Variants in PIK3C2G observed in about 807,000 individuals in gnomAD.
PIK3C2G encodes phosphatidylinositol-4-phosphate 3-kinase catalytic subunit type 2 gamma.
PIK3C2G carries 168 observed loss-of-function variants against 181.1 expected under a neutral mutation model. That is an observed-to-expected ratio of 0.93 (90% CI 0.82 to 1.05). The LOEUF (loss-of-function observed/expected upper bound fraction) is 1.05, where lower values mean the gene tolerates loss of function less well. Among genes scored for constraint, PIK3C2G ranks in the 50% least tolerant of loss-of-function variants. The pLI, the probability that PIK3C2G is intolerant of heterozygous loss-of-function variation, is 0.00. For missense variants in PIK3C2G, 1,869 were observed against 1,732.8 expected (o/e 1.08, Z -1.40); for synonymous variants, 573 against 592.2 (o/e 0.97, Z 0.47).
intron 31 of PIK3C2G, among the ~76,000 whole-genome samples, chr12:18,616,799 C>CA (rs1948627054): frequency 6.6e-6 from 1 of 151,926 alleles, no homozygotes; most frequent in African/African-American, 2.4e-5. Context: ...AAGAGAATAG[C>CA]AAAAAGCTGA....
intron 31 of PIK3C2G, among the ~76,000 whole-genome samples, chr12:18,621,256 T>C (rs1948850549): frequency 6.6e-6 from 1 of 151,780 alleles, no homozygotes; most frequent in South Asian, 2.1e-4. Flanking sequence ...GCCTGTTAGC[T>C]CATAAACAAC....
intron 1 of PIK3C2G, among the ~76,000 whole-genome samples, chr12:18,267,863 C>T (rs185128013): frequency 1.3e-5 from 2 of 152,250 alleles, no homozygotes; most frequent in East Asian, 1.9e-4. Context: ...ATTCATCCCC[C>T]GTTCCTACAT....
At chr12:18,395,756 C>G (rs1429759809) in intron 15 of PIK3C2G, among the ~76,000 whole-genome samples, 1 of 150,944 alleles carries the variant, frequency 6.6e-6, no homozygotes, top group South Asian at 2.1e-4. Flanking sequence ...GTAAACTGTT[C>G]CAAGTTTTTC....
At chr12:18,274,368 G>T (rs927801017) in intron 1 of PIK3C2G, among the ~76,000 whole-genome samples, 1 of 152,154 alleles carries the variant, frequency 6.6e-6, no homozygotes. Context: ...GTTTATTGCG[G>T]CACTATTCCC....
chr12:18,570,189 T>C (rs1160225797), intron 29 of PIK3C2G, among the ~76,000 whole-genome samples: 1 of 151,998 alleles, frequency 6.6e-6, no homozygotes, highest in Non-Finnish European at 1.5e-5. Context: ...ATGTAATACT[T>C]CTTTATCCAT....
At chr12:18,349,643 T>C (rs148946064) in intron 11 of PIK3C2G, among the ~76,000 whole-genome samples, 1 of 152,292 alleles carries the variant, frequency 6.6e-6, no homozygotes, top group African/African-American at 2.4e-5. Flanking sequence ...GAATAGAAAT[T>C]TAATTACTTA....
In PIK3C2G at chr12:18,338,779, T is replaced by G. The variant is rs78515760; in HGVS notation, c.1395+231T>G. On this transcript the variant is annotated intron_variant, in intron 9 of 32. Transcript: ENST00000538779. The stretch of plus-strand genomic sequence containing the variant: ...GCTTGAGTCTATTATGCCAAATAGA[T>G]CTGATTAAACTATAAGAACACTGAT... 1.0e-3 allele frequency among the ~76,000 whole-genome samples: 152 copies of G among 151,676 alleles called. 1 individual carries two copies. In the East Asian group the frequency reaches 0.02, roughly 20 times the overall value.
intron 5 of PIK3C2G, among the ~76,000 whole-genome samples, chr12:18,301,811 A>G (rs533592678): frequency 3.9e-5 from 6 of 152,304 alleles, no homozygotes; most frequent in African/African-American, 7.2e-5. Flanking sequence ...CAAAATATAT[A>G]TGCTATTAGT....
intron 25 of PIK3C2G, among the ~76,000 whole-genome samples, chr12:18,543,402 C>T (rs1944267666): frequency 6.6e-6 from 1 of 151,934 alleles, no homozygotes. Context: ...TAATTAGATC[C>T]CACCTGCCAA....
chr12:18,541,963 T>C (rs1357830390), intron 25 of PIK3C2G, among the ~76,000 whole-genome samples: 1 of 151,848 alleles, frequency 6.6e-6, no homozygotes, highest in Non-Finnish European at 1.5e-5. Context: ...GGGAGAGAAC[T>C]ATTATAGGTT....
At chr12:18,545,707 G>A (rs1019884410) in intron 25 of PIK3C2G, among the ~76,000 whole-genome samples, 2 of 151,810 alleles carry the variant, frequency 1.3e-5, no homozygotes, top group African/African-American at 4.8e-5. Context: ...CACCATTTAA[G>A]TAGGGAAAAT....
chr12:18,281,853 C>G (rs565866829), intron 1 of PIK3C2G, among the ~76,000 whole-genome samples, 151 bp from the exon 2 acceptor site: 23 of 151,858 alleles, frequency 1.5e-4, no homozygotes, highest in Non-Finnish European at 2.2e-4. Flanking sequence ...GTTGTAAGCC[C>G]TGATAGAGTT....
chr12:18,658,450 T>A, the PIK3C2G span, among the ~76,000 whole-genome samples: 2 of 152,054 alleles, frequency 1.3e-5, no homozygotes, highest in East Asian at 3.9e-4. Context: ...GAGAAGCAAG[T>A]CATTATGCAC....
At chr12:18,389,018 A>C (rs1943364524) in intron 14 of PIK3C2G, among the ~76,000 whole-genome samples, 1 of 152,188 alleles carries the variant, frequency 6.6e-6, no homozygotes. Flanking sequence ...TGGCGCATGC[A>C]ATGTTGACAT....
chr12:18,410,515 A>G (rs1944805779), intron 16 of PIK3C2G, among the ~76,000 whole-genome samples: 2 of 149,706 alleles, frequency 1.3e-5, no homozygotes, highest in Admixed American at 1.3e-4. Context: ...AGAAAGAAAA[A>G]AAAAAAAAAA....
chr12:18,451,543 C>T (rs1301703739), intron 18 of PIK3C2G, among the ~76,000 whole-genome samples: 4 of 152,168 alleles, frequency 2.6e-5, no homozygotes, highest in Non-Finnish European at 5.9e-5. Context: ...GACTTCCTCT[C>T]TTCCTATTTG....
the PIK3C2G span, chr12:18,713,046 G>A: frequency 6.3e-7 from 1 of 1,585,986 alleles, no homozygotes; most frequent in Non-Finnish European, 8.6e-7. Flanking sequence ...ATATACCAAA[G>A]TATTAAAATA....
the PIK3C2G span, among the ~76,000 whole-genome samples, chr12:18,682,071 T>A: frequency 6.6e-5 from 10 of 152,018 alleles, no homozygotes; most frequent in Non-Finnish European, 1.5e-4. Flanking sequence ...TGGCTGTGCA[T>A]CCCTACTGGG....
chr12:18,337,836 C>T (rs981050968), intron 8 of PIK3C2G, among the ~76,000 whole-genome samples: 1 of 152,086 alleles, frequency 6.6e-6, no homozygotes, highest in African/African-American at 2.4e-5. Context: ...TTATATTTGT[C>T]ATCAGCGATT....
Sources: gnomAD v4.1 joint callset for allele counts (sites outside exome capture counted in the v4.1 genomes callset) on GRCh38, gnomAD v4.1.1 for gene constraint, MANE v1.5 for transcripts, NCBI Gene and HGNC (gene_info 2026-07-23, HGNC 2026-07-21) for gene names.